Variants in CACNA1D observed in about 807,000 individuals in gnomAD.
The protein encoded by CACNA1D is voltage-dependent L-type calcium channel subunit alpha-1D.
CACNA1D carries 55 observed loss-of-function variants against 257.1 expected under a neutral mutation model. The observed-to-expected ratio is 0.21, with a 90% CI of 0.17 to 0.27. CACNA1D has a LOEUF of 0.27. Ranked by LOEUF, CACNA1D falls within the 10% of genes least tolerant of loss-of-function variation. The probability of loss-of-function intolerance (pLI) is 1.00; values close to 1 mark genes in which losing one functional copy is unlikely to be tolerated. For synonymous variants in CACNA1D, 980 were observed against 1,014.9 expected (o/e 0.97, Z 0.65); for missense variants, 1,876 against 2,784.0 (o/e 0.67, Z 7.34).
chr3:53,749,320 A>C lies in CACNA1D; in HGVS notation c.3367A>C (p.Asn1123His), dbSNP rs765372540. The C allele has an allele frequency of 1.2e-6, 2 of 1,613,760 alleles. No individual in the cohort carries two copies. The highest frequency in any genetic ancestry group is 3.3e-5 in the Admixed American group (2 of 60,000). ...TGGAGAGAACATCGGCCCAATCTAC[A>C]ACCACCGCGTGGAGATCTCCATCTT... ...SNGENIGPIY[N>H]HRVEISIFFI... Residue 1123 changes from asparagine (N) to histidine (H), a missense_variant, in exon 27 of 48, where the codon AAC becomes CAC. Transcript: ENST00000350061.
intron 3 of CACNA1D, among the ~76,000 whole-genome samples, chr3:53,560,532 C>T (rs1218062253): frequency 6.6e-6 from 1 of 152,150 alleles, no homozygotes; most frequent in East Asian, 1.9e-4. Flanking sequence ...ATTTTCCTTA[C>T]TTTAAAGCAG....
chr3:53,656,878 T>TGCAG (rs2094152393), intron 4 of CACNA1D, among the ~76,000 whole-genome samples: 1 of 152,162 alleles, frequency 6.6e-6, no homozygotes, highest in South Asian at 2.1e-4. Context: ...CCCACTAGTA[T>TGCAG]TACTAAATGT....
chr3:53,639,694 A>G (rs1238768842), intron 3 of CACNA1D, among the ~76,000 whole-genome samples: 2 of 150,950 alleles, frequency 1.3e-5, no homozygotes, highest in African/African-American at 2.4e-5. Flanking sequence ...CTGAGATTTC[A>G]TTTTTAACTC....
intron 29 of CACNA1D, among the ~76,000 whole-genome samples, chr3:53,758,482 C>T (rs1156719459): frequency 1.3e-5 from 2 of 152,158 alleles, no homozygotes; most frequent in African/African-American, 2.4e-5. Context: ...AACGCCTGTG[C>T]CATATCCTGG....
chr3:53,753,511 G>A, intron 28 of CACNA1D, 61 bp from the exon 29 acceptor site: 1 of 1,123,922 alleles, frequency 8.9e-7, no homozygotes, highest in Non-Finnish European at 1.4e-6. Context: ...GAGCCTCCAT[G>A]TGCAAGCATG....
chr3:53,755,482 G>A (rs1045555768), intron 29 of CACNA1D, among the ~76,000 whole-genome samples: 5 of 152,206 alleles, frequency 3.3e-5, no homozygotes, highest in Non-Finnish European at 7.3e-5. Flanking sequence ...TCAGTAGCGC[G>A]TGAACAGATA....
chr3:53,616,123 G>A (rs1576100940), intron 3 of CACNA1D, among the ~76,000 whole-genome samples: 1 of 152,164 alleles, frequency 6.6e-6, no homozygotes, highest in Admixed American at 6.5e-5. Flanking sequence ...CAGGGTGAGG[G>A]TGAGCTCAGT....
chr3:53,762,408 A>C, intron 30 of CACNA1D: 2 of 432,044 alleles, frequency 4.6e-6, no homozygotes. Flanking sequence ...TGGCGTATCT[A>C]TAACATGTTT....
At chr3:53,674,041 C>T in intron 8 of CACNA1D, 1 of 614,774 alleles carries the variant, frequency 1.6e-6, no homozygotes, top group Non-Finnish European at 2.9e-6. Context: ...GAAAACGTTC[C>T]CCCAAAGCCA....
intron 4 of CACNA1D, among the ~76,000 whole-genome samples, chr3:53,659,363 G>A (rs1183136660): frequency 6.6e-6 from 1 of 152,178 alleles, no homozygotes; most frequent in African/African-American, 2.4e-5. Flanking sequence ...CTTAGTATCT[G>A]TGATTTACAT....
rs9810933 is a variant in CACNA1D at position 53,580,498 on chromosome 3, G to T, written c.484-70281G>T. On this transcript the variant is annotated intron_variant, in intron 3 of 47. Coordinates refer to ENST00000350061, the MANE Select transcript of CACNA1D (RefSeq NM_001128840.3). The stretch of plus-strand genomic sequence containing the variant: ...CCTTGTGCACAGTAGGTGCTTGTCT[G>T]TGGGGCAAATAGATACATTTGCAGT... Among the ~76,000 whole-genome samples, 1,518 of 152,348 alleles carry T rather than the reference G, an allele frequency of 1.0e-2. 22 individuals are homozygous for T. The highest frequency in any genetic ancestry group is 0.035 in the African/African-American group (1,442 of 41,578).
intron 29 of CACNA1D, among the ~76,000 whole-genome samples, chr3:53,757,443 C>T (rs2095272560): frequency 6.6e-6 from 1 of 152,150 alleles, no homozygotes; most frequent in South Asian, 2.1e-4. Context: ...CTGTGGCATG[C>T]AGACCTGCAC....
chr3:53,772,223 C>G (rs1452412089), intron 32 of CACNA1D, among the ~76,000 whole-genome samples: 1 of 152,168 alleles, frequency 6.6e-6, no homozygotes, highest in Non-Finnish European at 1.5e-5. Flanking sequence ...TGGCCCAGCC[C>G]CCCAACTTAG....
At chr3:53,693,705 G>GC (rs1168115302) in intron 8 of CACNA1D, among the ~76,000 whole-genome samples, 1 of 151,966 alleles carries the variant, frequency 6.6e-6, no homozygotes, top group Non-Finnish European at 1.5e-5. Context: ...TATAAGTGTT[G>GC]CCTTTGTTTT....
chr3:53,746,926 C>T (rs2577325), intron 25 of CACNA1D, among the ~76,000 whole-genome samples: 117,235 of 152,054 alleles, frequency 0.77, 46,400 homozygotes, highest in East Asian at 1. Flanking sequence ...TACGTGGGTT[C>T]GTTTCCTAGA....
chr3:53,551,582 TG>T (rs1327037434), intron 3 of CACNA1D, among the ~76,000 whole-genome samples: 1 of 152,228 alleles, frequency 6.6e-6, no homozygotes, highest in East Asian at 1.9e-4. Context: ...CTACCTACCG[TG>T]GTGGATGCTG....
chr3:53,809,504 G>C, intron 46 of CACNA1D: 1 of 209,714 alleles, frequency 4.8e-6, no homozygotes, highest in Non-Finnish European at 9.7e-6. Context: ...TTGTAAGACC[G>C]GGGCTTGTAC....
intron 40 of CACNA1D, among the ~76,000 whole-genome samples, chr3:53,788,735 T>C (rs3774600): frequency 0.5 from 75,417 of 151,836 alleles, 20,778 homozygotes; most frequent in African/African-American, 0.75. Context: ...GGGAGCCTAA[T>C]TGGGACCAGA....
chr3:53,769,879 G>A, intron 30 of CACNA1D, 94 bp from the exon 31 acceptor site: 1 of 982,624 alleles, frequency 1.0e-6, no homozygotes, highest in South Asian at 1.3e-5. Flanking sequence ...CTAAAGATGG[G>A]AACCACACAT....
Sources: allele counts gnomAD v4.1 joint callset (sites outside exome capture counted in the v4.1 genomes callset), GRCh38; gene constraint gnomAD v4.1.1; transcripts MANE v1.5; gene names NCBI Gene and HGNC (gene_info 2026-07-23, HGNC 2026-07-21).